Variants in CSF2RB observed in about 807,000 individuals in gnomAD.
The protein encoded by CSF2RB is cytokine receptor common subunit beta.
In CSF2RB, 22 loss-of-function variants were observed where a neutral mutation model predicts 67.2. That is an observed-to-expected ratio of 0.33 (90% CI 0.23 to 0.47). CSF2RB has a LOEUF of 0.47. Ranked by LOEUF, CSF2RB falls within the 20% of genes least tolerant of loss-of-function variation. The probability of loss-of-function intolerance (pLI) is 1.00; values close to 1 mark genes in which losing one functional copy is unlikely to be tolerated. For synonymous variants in CSF2RB, 507 were observed against 482.9 expected, an observed-to-expected ratio of 1.05 and a Z score of -0.65; for missense variants, 1,113 against 1,174.5, an observed-to-expected ratio of 0.95 and a Z score of 0.76.
rs182342872 is a variant in CSF2RB at position 36,928,815 on chromosome 22, C to T, written c.392-587C>T. Among the ~76,000 whole-genome samples the T allele has an allele frequency of 9.3e-3, 1,413 of 152,314 alleles. 16 individuals carry two copies. Among genetic ancestry groups the T allele is most frequent in the Non-Finnish European group, 0.013 (864 of 68,018 alleles). ...GGACCAATCCCACCCACCCCCATCT[C>T]CTCACACCTTAGGGGAGGCAGACAC... On this transcript the variant is annotated intron_variant, in intron 4 of 13. Coordinates refer to ENST00000403662, the MANE Select transcript of CSF2RB (RefSeq NM_000395.3).
intron 3 of CSF2RB, among the ~76,000 whole-genome samples, chr22:36,924,628 T>TG (rs888102507): frequency 6.6e-6 from 1 of 152,176 alleles, no homozygotes; most frequent in African/African-American, 2.4e-5. Flanking sequence ...TCCCCTAGGA[T>TG]GCTGCCCCCA....
chr22:36,923,138 CT>C, intron 2 of CSF2RB, 105 bp from the exon 3 acceptor site: 1 of 1,569,222 alleles, frequency 6.4e-7, no homozygotes, highest in Non-Finnish European at 8.7e-7. Flanking sequence ...CTGCAGGGAC[CT>C]GGGAGACCCC....
intron 4 of CSF2RB, 135 bp from the exon 5 acceptor site, chr22:36,929,267 G>A (rs1391882348): frequency 8.8e-7 from 1 of 1,131,970 alleles, no homozygotes; most frequent in Non-Finnish European, 1.3e-6. Flanking sequence ...GAGGAGACGG[G>A]TCTTGCTCAA....
rs555525962 is a variant in CSF2RB, at chr22:36,938,692, G to GACACACACACACAC, written c.*193_*206dup. 2.2e-5 allele frequency: 13 copies of GACACACACACACAC among 592,094 alleles called. No homozygotes were observed. The South Asian group carries it at 2.8e-4, about 13-fold the overall frequency. The allele number at this position is 592,094 out of a possible 1,614,324, so 36.7% of individuals were successfully genotyped here. On this transcript the variant is annotated 3_prime_UTR_variant, in exon 14 of 14. Coordinates refer to ENST00000403662, the MANE Select transcript of CSF2RB (RefSeq NM_000395.3). ...TCACTTCTCTCCCTGCGCTCACACA[G>GACACACACACACAC]ACACACACACACACACGTACATGCA...
intron 2 of CSF2RB, chr22:36,922,745 C>G (rs1940907921): frequency 3.5e-6 from 1 of 282,876 alleles, no homozygotes; most frequent in Non-Finnish European, 6.9e-6. Flanking sequence ...AATGGCCCCT[C>G]CCAAGGGCTC....
intron 13 of CSF2RB, 75 bp downstream of exon 13, chr22:36,936,727 C>A: frequency 2.3e-6 from 3 of 1,328,090 alleles, no homozygotes; most frequent in Non-Finnish European, 3.2e-6. Flanking sequence ...AAATCAGGGA[C>A]TCAAGTGAGG....
chr22:36,937,397 G>A lies in CSF2RB; in HGVS notation c.1589G>A (p.Gly530Glu). 1 of 1,613,706 alleles carries A rather than the reference G, an allele frequency of 6.2e-7. No homozygotes were observed. The highest frequency in any genetic ancestry group is 8.5e-7 in the Non-Finnish European group (1 of 1,179,956). ...CACAGGGTGTTCCCTGTAGGATTCGGGGACAGCGAGGTGTCACCTCTCACC... is the reference window on the plus strand; with the variant it reads ...CACAGGGTGTTCCCTGTAGGATTCGAGGACAGCGAGGTGTCACCTCTCACC... ...ELEGVFPVGF[G>E]DSEVSPLTIE... The change falls in exon 14 of 14, where the codon GGG becomes GAG. Residue 530 changes from glycine to glutamate, a missense_variant. Gly to Glu is a moderately conservative substitution (Grantham distance 98). Transcript: ENST00000403662. This position sits in a 1 kb window ranked among gnomAD's most constrained non-coding sequence, Gnocchi z 4.6.
intron 1 of CSF2RB, among the ~76,000 whole-genome samples, chr22:36,916,927 A>G (rs556662315): frequency 1.3e-3 from 193 of 152,298 alleles, no homozygotes; most frequent in Non-Finnish European, 1.6e-3. Flanking sequence ...TGTTGATTGC[A>G]TTGAATTTAG....
chr22:36,921,833 A>G (rs1940878386), intron 1 of CSF2RB, among the ~76,000 whole-genome samples: 1 of 152,134 alleles, frequency 6.6e-6, no homozygotes, highest in Non-Finnish European at 1.5e-5. Context: ...TGTCTAGCGC[A>G]TTGTGCAGTG....
chr22:36,925,346 C>T (rs1227936035), intron 3 of CSF2RB, among the ~76,000 whole-genome samples: 2 of 152,186 alleles, frequency 1.3e-5, no homozygotes, highest in Non-Finnish European at 2.9e-5. Context: ...GGGCTCCCTG[C>T]TTCCAACATT....
rs1940659702 is a variant in CSF2RB, at chr22:36,914,175, CGTGTGTGCATTTGTGTGTGTGCCT to C, written c.-173+506_-173+529del. On this transcript the variant is annotated intron_variant, in intron 1 of 13. Transcript: ENST00000403662. ...GAGAACGCATGCTCGTGTGTTTGCCCGTGTGTGCATTTGTGTGTGTGCCTGTGTGTGTATGTGCATGTGCGGATG... is the reference window on the plus strand; with the variant it reads ...GAGAACGCATGCTCGTGTGTTTGCCCGTGTGTGTATGTGCATGTGCGGATG... 3.3e-5 allele frequency among the ~76,000 whole-genome samples: 5 copies of C among 151,926 alleles called. No homozygotes were observed. The South Asian group carries it at 1.0e-3, about 32-fold the overall frequency.
intron 1 of CSF2RB, among the ~76,000 whole-genome samples, chr22:36,920,847 T>C (rs1940844255): frequency 6.6e-6 from 1 of 152,230 alleles, no homozygotes; most frequent in African/African-American, 2.4e-5. Context: ...GGGTTTTAGA[T>C]AGGCATTTTT....
Position 36,922,977 on chromosome 22 carries a change from C to T in CSF2RB, c.77-267C>T, listed in dbSNP as rs1601581112. The stretch of plus-strand genomic sequence containing the variant: ...CCTGTCCTGGGGTGGGGGGAGGGGA[C>T]CGTGCCCAGGAACAGCACACTGCGG... On this transcript the variant is annotated intron_variant, in intron 2 of 13. Coordinates refer to ENST00000403662, the MANE Select transcript of CSF2RB (RefSeq NM_000395.3). Among the ~76,000 whole-genome samples, 3 of 152,118 alleles carry T rather than the reference C, an allele frequency of 2.0e-5. No homozygotes were observed. The South Asian group carries it at 6.2e-4, about 31-fold the overall frequency.
chr22:36,928,591 T>C (rs1941076366), intron 4 of CSF2RB, among the ~76,000 whole-genome samples: 1 of 152,162 alleles, frequency 6.6e-6, no homozygotes. Context: ...AAACCAGAAA[T>C]CAGGTGCCGT....
rs978813056 is a variant in CSF2RB, at chr22:36,937,533, C to T, written c.1725C>T (p.Ala575=). ...QPPSPQPGPP[A]ASHTPEKQAS... is the part of the protein sequence containing the mutation. ...CCAGCCCCCAGCCAGGCCCGCCTGCCGCCTCCCACACACCTGAGAAACAGG... is the reference window on the plus strand; with the variant it reads ...CCAGCCCCCAGCCAGGCCCGCCTGCTGCCTCCCACACACCTGAGAAACAGG... Residue 575 remains alanine (A), a synonymous_variant, in exon 14 of 14, where the codon GCC becomes GCT. Coordinates refer to ENST00000403662, the MANE Select transcript of CSF2RB (RefSeq NM_000395.3). This position sits in a 1 kb window ranked among gnomAD's most constrained non-coding sequence, Gnocchi z 4.6. 61 of 1,613,734 alleles carry T rather than the reference C, an allele frequency of 3.8e-5. No individual in the cohort carries two copies. Among genetic ancestry groups the T allele is most frequent in the Non-Finnish European group, 4.0e-5 (47 of 1,179,888 alleles).
Position 36,937,819 on chromosome 22 carries a change from G to A in CSF2RB, c.2011G>A (p.Gly671Arg), listed in dbSNP as rs558635124. 2.6e-5 allele frequency: 42 copies of A among 1,605,464 alleles called. No homozygotes were observed. Among genetic ancestry groups the A allele is most frequent in the South Asian group, 1.3e-4 (12 of 90,058 alleles). The change falls in exon 14 of 14, where the codon GGG becomes AGG. Residue 671 changes from glycine (G) to arginine (R), a missense_variant. This residue lies in a region of CSF2RB where 554 missense variants were observed against 517.9 expected (regional missense o/e 1.07). Coordinates refer to ENST00000403662, the MANE Select transcript of CSF2RB (RefSeq NM_000395.3). This position sits in a 1 kb window ranked among gnomAD's most constrained non-coding sequence, Gnocchi z 4.6. ...GAAGSPSLES[G>R]GGPAPPALGP... ...TGCAGGGAGTCCCTCCCTGGAGTCC[G>A]GGGGAGGCCCTGCCCCTCCTGCTCT...
rs200724880 is a variant in CSF2RB at position 36,937,751 on chromosome 22, C to T, written c.1943C>T (p.Pro648Leu). 1.6e-4 allele frequency: 257 copies of T among 1,568,872 alleles called. 1 individual carries two copies. In the African/African-American group the frequency reaches 2.2e-3, roughly 14 times the overall value. Reference protein sequence around the residue: ...QLVPLAQAMGPGQAVEVERRP... With the variant: ...QLVPLAQAMGLGQAVEVERRP... Reference sequence around the variant, plus strand: ...GTCCCTCTGGCCCAGGCGATGGGACCAGGACAGGCCGTGGAAGTGGAGAGA... The same window carrying T: ...GTCCCTCTGGCCCAGGCGATGGGACTAGGACAGGCCGTGGAAGTGGAGAGA... Residue 648 changes from proline to leucine, a missense_variant, in exon 14 of 14, where the codon CCA becomes CTA. Transcript: ENST00000403662. This position sits in a 1 kb window ranked among gnomAD's most constrained non-coding sequence, Gnocchi z 4.6.
In CSF2RB at chr22:36,932,434, C is replaced by CAAA. The variant is rs55664200; in HGVS notation, c.1013-313_1013-311dup. Among the ~76,000 whole-genome samples the CAAA allele has an allele frequency of 4.1e-3, 444 of 107,410 alleles. 6 individuals are homozygous for CAAA. Among genetic ancestry groups the CAAA allele is most frequent in the African/African-American group, 0.015 (400 of 27,302 alleles). 70.5% of individuals were successfully genotyped at this position (107,410 alleles called of 152,430 possible). A position where few individuals can be genotyped will look rare whatever the true frequency, so the allele number is the denominator to read the frequency against. ...TGGGCAACAGAGTGAGACTCCGTCTCAAAAAAAAAAAAAAAAAAAATAGCC... is the reference window on the plus strand; with the variant it reads ...TGGGCAACAGAGTGAGACTCCGTCTCAAAAAAAAAAAAAAAAAAAAAAATAGCC... On this transcript the variant is annotated intron_variant, in intron 8 of 13. Coordinates refer to ENST00000403662, the MANE Select transcript of CSF2RB (RefSeq NM_000395.3).
At chr22:36,917,845 C>A (rs1245711152) in intron 1 of CSF2RB, among the ~76,000 whole-genome samples, 1 of 152,096 alleles carries the variant, frequency 6.6e-6, no homozygotes, top group African/African-American at 2.4e-5. Flanking sequence ...GTCGCTTGAA[C>A]CCCGGAGGCA....
Sources: gnomAD v4.1 joint callset for allele counts (sites outside exome capture counted in the v4.1 genomes callset) on GRCh38, gnomAD v4.1.1 for gene constraint, gnomAD v4.1.1 regional missense constraint, Gnocchi (gnomAD v3.1) non-coding constraint, MANE v1.5 for transcripts, NCBI Gene and HGNC (gene_info 2026-07-23, HGNC 2026-07-21) for gene names.